Variants in MIB1 observed in about 807,000 individuals in gnomAD.
MIB1 encodes E3 ubiquitin-protein ligase MIB1.
In MIB1, 278 loss-of-function variants were observed where a neutral mutation model predicts 124.5. The ratio of observed to expected loss-of-function variants is 2.23; its 90% CI spans 2.02 to 2.47. The LOEUF is 2.47. Ranked by LOEUF, MIB1 falls within the 30% of genes most tolerant of loss-of-function variation. The pLI, the probability that MIB1 is intolerant of heterozygous loss-of-function variation, is 0.00. For synonymous variants in MIB1, 446 were observed against 429.4 expected, an observed-to-expected ratio of 1.04 and a Z score of -0.48; for missense variants, 957 against 1,254.4, an observed-to-expected ratio of 0.76 and a Z score of 3.58.
chr18:21,772,901 G>A (rs1194180640), intron 3 of MIB1, among the ~76,000 whole-genome samples: 1 of 152,132 alleles, frequency 6.6e-6, no homozygotes, highest in East Asian at 1.9e-4. Flanking sequence ...TGACCAAAAA[G>A]GTTTATCTTG....
intron 6 of MIB1, among the ~76,000 whole-genome samples, chr18:21,785,637 G>C (rs1316912257): frequency 6.6e-6 from 1 of 152,176 alleles, no homozygotes; most frequent in Admixed American, 6.5e-5. Flanking sequence ...CTAGAGTTAT[G>C]AGGTGATTAC....
At chr18:21,749,035 C>A (rs887632038) in intron 1 of MIB1, among the ~76,000 whole-genome samples, 4 of 152,104 alleles carry the variant, frequency 2.6e-5, no homozygotes, top group African/African-American at 9.7e-5. Flanking sequence ...AGCCACTGAG[C>A]CCTGCTTGTT....
At chr18:21,838,138 G>A (rs1234003199) in intron 12 of MIB1, among the ~76,000 whole-genome samples, 1 of 152,014 alleles carries the variant, frequency 6.6e-6, no homozygotes, top group East Asian at 1.9e-4. Flanking sequence ...ATGGTGGCAT[G>A]TACCTGTAGT....
intron 5 of MIB1, among the ~76,000 whole-genome samples, chr18:21,779,206 C>G (rs1404033128): frequency 6.6e-6 from 1 of 152,134 alleles, no homozygotes; most frequent in Admixed American, 6.5e-5. Context: ...ACTTTGTGTT[C>G]TGATACAAGG....
chr18:21,807,329 G>A (rs2041720128), intron 10 of MIB1, among the ~76,000 whole-genome samples: 2 of 152,122 alleles, frequency 1.3e-5, no homozygotes. Context: ...CTACTTGGAA[G>A]GCTGAGGTGG....
rs115030295 is a variant in MIB1, at chr18:21,829,445, T to G, written c.1830-8920T>G. On this transcript the variant is annotated intron_variant, in intron 12 of 20. Coordinates refer to ENST00000261537, the MANE Select transcript of MIB1 (RefSeq NM_020774.4). ...ATTTCTTCTTTTTTTGTAGTCTGCT[T>G]CTAGATCCTACAGGTAGATAGTAAT... 1,258 of 156,308 alleles carry G rather than the reference T, an allele frequency of 8.0e-3. 20 individuals are homozygous for G. The highest frequency in any genetic ancestry group is 0.027 in the African/African-American group (1,142 of 41,548). The allele number at this position is 156,308 out of a possible 1,614,324, so 9.7% of individuals were successfully genotyped here. A position where few individuals can be genotyped will look rare whatever the true frequency, so the allele number is the denominator to read the frequency against.
rs1222452734 is a variant in MIB1, at chr18:21,803,900, A to C, written c.1372-7A>C. The stretch of plus-strand genomic sequence containing the variant: ...CATTCTTTCATTCTTTTTTTTAAAA[A>C]ATGTAGGTAAATGGGCAATGTGCTG... On this transcript the variant is annotated splice_region_variant and splice_polypyrimidine_tract_variant and intron_variant, in intron 9 of 20. Coordinates refer to ENST00000261537, the MANE Select transcript of MIB1 (RefSeq NM_020774.4). The C allele has an allele frequency of 6.2e-7, 1 of 1,601,928 alleles. No homozygotes were observed. Among genetic ancestry groups the C allele is most frequent in the East Asian group, 2.2e-5 (1 of 44,746 alleles).
Position 21,858,407 on chromosome 18 carries a change from C to T in MIB1, c.2780-139C>T, listed in dbSNP as rs1409509211. On this transcript the variant is annotated intron_variant, in intron 19 of 20. Coordinates refer to ENST00000261537, the MANE Select transcript of MIB1 (RefSeq NM_020774.4). ...CAGAACGTCACTACTGTATGTTGTC[C>T]AAGTGTGAGAAAAATTTTTGAAGAG... is the stretch of plus-strand genomic sequence containing the variant. 14 of 519,338 alleles carry T rather than the reference C, an allele frequency of 2.7e-5. No individual in the cohort carries two copies. In the East Asian group the frequency reaches 4.0e-4, roughly 15 times the overall value. 32.2% of individuals were successfully genotyped at this position (519,338 alleles called of 1,614,324 possible).
chr18:21,837,277 G>A (rs966254772), intron 12 of MIB1, among the ~76,000 whole-genome samples: 4 of 152,204 alleles, frequency 2.6e-5, no homozygotes, highest in African/African-American at 9.6e-5. Context: ...AGGAGGCCGA[G>A]GCGGGTGGAT....
chr18:21,724,726 AAATATATATATATATAT>A (rs1270652782), intron 1 of MIB1, among the ~76,000 whole-genome samples: 7 of 52,828 alleles, frequency 1.3e-4, no homozygotes, highest in African/African-American at 5.3e-4. Context: ...AAAAAAAAAA[AAATATATATATATATAT>A]ATATATATAT....
At chr18:21,835,408 A>G (rs1462218824) in intron 12 of MIB1, among the ~76,000 whole-genome samples, 1 of 152,162 alleles carries the variant, frequency 6.6e-6, no homozygotes, top group Non-Finnish European at 1.5e-5. Context: ...GAAAGAGTCT[A>G]GAATGATTCC....
chr18:21,758,765 C>G (rs1404053395), intron 1 of MIB1, among the ~76,000 whole-genome samples: 1 of 152,108 alleles, frequency 6.6e-6, no homozygotes, highest in East Asian at 1.9e-4. Flanking sequence ...GAACGCCTGA[C>G]CTCGTGATCC....
At chr18:21,768,592 T>C in intron 2 of MIB1, 31 bp from the exon 3 acceptor site, 1 of 1,433,074 alleles carries the variant, frequency 7.0e-7, no homozygotes, top group Non-Finnish European at 9.4e-7. Flanking sequence ...TATTTTTATA[T>C]AAACTTGAAA....
chr18:21,797,859 A>T (rs1043438308), intron 7 of MIB1, among the ~76,000 whole-genome samples: 6 of 152,102 alleles, frequency 3.9e-5, no homozygotes, highest in Non-Finnish European at 8.8e-5. Context: ...GATAGACTTT[A>T]TCATGATTTG....
At chr18:21,833,723 C>A (rs529308988) in intron 12 of MIB1, among the ~76,000 whole-genome samples, 7 of 152,290 alleles carry the variant, frequency 4.6e-5, no homozygotes, top group Admixed American at 2.6e-4. Context: ...CTGCTTGTCC[C>A]CTCTGCTTCT....
chr18:21,810,033 G>A (rs552014321), intron 10 of MIB1, among the ~76,000 whole-genome samples: 1 of 152,076 alleles, frequency 6.6e-6, no homozygotes, highest in East Asian at 1.9e-4. Context: ...AGCAGAATAC[G>A]AAGTTAAAAC....
intron 7 of MIB1, among the ~76,000 whole-genome samples, chr18:21,796,031 A>G (rs977908639): frequency 2.0e-5 from 3 of 152,180 alleles, no homozygotes; most frequent in Non-Finnish European, 4.4e-5. Context: ...GTTTGAATGT[A>G]TGATTTATGC....
intron 12 of MIB1, among the ~76,000 whole-genome samples, chr18:21,832,044 G>A (rs1349166886): frequency 6.6e-6 from 1 of 152,156 alleles, no homozygotes; most frequent in Non-Finnish European, 1.5e-5. Context: ...TATAGAAATG[G>A]TAGGTAAGAC....
At chr18:21,792,211 T>G (rs1007448955) in intron 7 of MIB1, among the ~76,000 whole-genome samples, 1 of 152,082 alleles carries the variant, frequency 6.6e-6, no homozygotes, top group African/African-American at 2.4e-5. Flanking sequence ...TGTCCTCCTC[T>G]GTAGTTCTCC....
Sources: allele counts gnomAD v4.1 joint callset (sites outside exome capture counted in the v4.1 genomes callset), GRCh38; gene constraint gnomAD v4.1.1; transcripts MANE v1.5; gene names NCBI Gene and HGNC (gene_info 2026-07-23, HGNC 2026-07-21).